Variants in PAXIP1 observed in about 807,000 individuals in gnomAD.
PAXIP1 encodes PAX-interacting protein 1.
In PAXIP1, 19 loss-of-function variants were observed where a neutral mutation model predicts 140.6. The ratio of observed to expected loss-of-function variants is 0.14; its 90% CI spans 0.09 to 0.20. PAXIP1 has a LOEUF of 0.20. Among genes scored for constraint, PAXIP1 ranks in the 10% least tolerant of loss-of-function variants. PAXIP1 has a pLI of 1.00. For synonymous variants in PAXIP1, 442 were observed against 444.6 expected (o/e 0.99, Z 0.07); for missense variants, 920 against 1,208.6 (o/e 0.76, Z 3.54).
At chr7:154,968,177 G>A (rs894268503) in intron 7 of PAXIP1, among the ~76,000 whole-genome samples, 19 of 152,136 alleles carry the variant, frequency 1.2e-4, no homozygotes, top group African/African-American at 4.3e-4. Flanking sequence ...CAGCCTAGAT[G>A]TTCTACGGGA....
At chr7:155,002,739 ACGCTCTGCGCCCGG>A in intron 1 of PAXIP1, 96 bp downstream of exon 1, 1 of 532,138 alleles carries the variant, frequency 1.9e-6, no homozygotes, top group Non-Finnish European at 2.6e-6. Flanking sequence ...GGCGGACCCG[ACGCTCTGCGCCCGG>A]CGCGCGCCCG....
At chr7:154,994,023 T>C (rs541497583) in intron 2 of PAXIP1, among the ~76,000 whole-genome samples, 2 of 152,232 alleles carry the variant, frequency 1.3e-5, no homozygotes, top group Admixed American at 1.3e-4. Flanking sequence ...AGTTCCAGGT[T>C]TACACACTTA....
At chr7:154,982,501 C>G (rs1235147479) in intron 5 of PAXIP1, among the ~76,000 whole-genome samples, 4 of 152,240 alleles carry the variant, frequency 2.6e-5, no homozygotes, top group Non-Finnish European at 4.4e-5. Context: ...CAAGCACATG[C>G]CACCATGCCT....
Position 154,991,042 on chromosome 7 carries a change from A to C in PAXIP1, c.288T>G (p.Cys96Trp), listed in dbSNP as rs1319161655. ...AGGCAGTGATTCCAAAAAAAATCTG[A>C]CATGATTCTGGAGAAAAACCATTTA... ...LPVNGFSPES[C>W]QIFFGITACL... The change falls in exon 4 of 21, where the codon TGT (cysteine) becomes TGG (tryptophan). Residue 96 changes from cysteine (C) to tryptophan (W), a missense_variant. Cys to Trp is a radical substitution (Grantham distance 215). Coordinates refer to ENST00000404141, the MANE Select transcript of PAXIP1 (RefSeq NM_007349.4). 6.5e-7 allele frequency: 1 copy of C among 1,549,054 alleles called. No homozygotes were observed. The highest frequency in any genetic ancestry group is 8.7e-7 in the Non-Finnish European group (1 of 1,144,118).
chr7:155,003,011 C>T lies in PAXIP1; in HGVS notation c.-82G>A, dbSNP rs1240283466. On this transcript the variant is annotated 5_prime_UTR_variant, in exon 1 of 21. Coordinates refer to ENST00000404141, the MANE Select transcript of PAXIP1 (RefSeq NM_007349.4). ...CCCGGCCCCCGCGGCGCCCGGCGCC[C>T]CCACTCGCCCCGCCAACGGCCCTGC... is the stretch of plus-strand genomic sequence containing the variant. 2 of 489,404 alleles carry T rather than the reference C, an allele frequency of 4.1e-6. No individual in the cohort carries two copies. The highest frequency in any genetic ancestry group is 5.3e-6 in the Non-Finnish European group (2 of 380,022). The allele number at this position is 489,404 out of a possible 1,614,324, so 30.3% of individuals were successfully genotyped here.
In PAXIP1 at chr7:154,947,887, T is replaced by C. The variant is rs1216889808; in HGVS notation, c.2922+16A>G. ...TATGCTTACTTGGACTGATTTACTT[T>C]TCCCTTAAAGTGTACCTTAAAGAGT... On this transcript the variant is annotated intron_variant, in intron 17 of 20. Coordinates refer to ENST00000404141, the MANE Select transcript of PAXIP1 (RefSeq NM_007349.4). 1 of 1,555,500 alleles carries C rather than the reference T, an allele frequency of 6.4e-7. No individual in the cohort carries two copies. The highest frequency in any genetic ancestry group is 8.9e-7 in the Non-Finnish European group (1 of 1,126,412).
At chr7:154,996,792 C>G (rs1810643029) in intron 2 of PAXIP1, among the ~76,000 whole-genome samples, 1 of 152,038 alleles carries the variant, frequency 6.6e-6, no homozygotes, top group South Asian at 2.1e-4. Context: ...GCTTACGTAT[C>G]GATTCATTTC....
At chr7:154,961,964 C>T (rs909386999) in intron 10 of PAXIP1, among the ~76,000 whole-genome samples, 3 of 152,264 alleles carry the variant, frequency 2.0e-5, no homozygotes, top group Admixed American at 6.5e-5. Context: ...TCCTCCTTCT[C>T]CTCACTGATC....
In PAXIP1 at chr7:154,965,972, G is replaced by A. The variant is rs147268512; in HGVS notation, c.1893+1844C>T. Among the ~76,000 whole-genome samples the A allele has an allele frequency of 6.6e-4, 101 of 152,172 alleles. 2 individuals carry two copies. The East Asian group carries it at 0.017, about 25-fold the overall frequency. ...TTCCGGTCCCAGGTCTAGTTCTCTC[G>A]ACACCTACTTTCTCATCTATTGGCG... is the stretch of plus-strand genomic sequence containing the variant. On this transcript the variant is annotated intron_variant, in intron 8 of 20. Transcript: ENST00000404141.
In PAXIP1 at chr7:154,962,238, A is replaced by G. The variant is rs1205132309; in HGVS notation, c.2127+83T>C. The G allele has an allele frequency of 5.5e-6, 8 of 1,466,684 alleles. No individual in the cohort carries two copies. In the East Asian group the frequency reaches 1.8e-4, roughly 33 times the overall value. 90.9% of individuals were successfully genotyped at this position (1,466,684 alleles called of 1,614,324 possible). A position where few individuals can be genotyped will look rare whatever the true frequency, so the allele number is the denominator to read the frequency against. On this transcript the variant is annotated intron_variant, in intron 10 of 20. Coordinates refer to ENST00000404141, the MANE Select transcript of PAXIP1 (RefSeq NM_007349.4). ...GCTCTGACTCAGAAGCCAACGCAGG[A>G]GCCTCAGGTAAGCACTAGCAAGTGA...
At chr7:154,944,855 T>C (rs1807860460) in intron 20 of PAXIP1, 1 of 152,176 alleles carries the variant, frequency 6.6e-6, no homozygotes, top group Non-Finnish European at 1.5e-5. Flanking sequence ...GATGGCGGTA[T>C]GGAATACAGC....
chr7:154,992,951 CAAAAT>C (rs1182004402), intron 3 of PAXIP1, among the ~76,000 whole-genome samples: 1 of 152,088 alleles, frequency 6.6e-6, no homozygotes, highest in African/African-American at 2.4e-5. Flanking sequence ...GGCATAGCTG[CAAAAT>C]AAAATAGAGC....
intron 1 of PAXIP1, 57 bp downstream of exon 1, chr7:155,002,792 G>A (rs887557051): frequency 6.9e-6 from 7 of 1,008,040 alleles, no homozygotes; most frequent in South Asian, 6.1e-5. Context: ...GGACGGGGAC[G>A]GGGACGGACG....
Position 154,946,434 on chromosome 7 carries a change from G to C in PAXIP1, c.3134-9C>G. ...CTCTGCATTGTGAACATCTGAACAG[G>C]GTGGAAACAGACACTTTAGTTAGAG... On this transcript the variant is annotated splice_polypyrimidine_tract_variant and intron_variant, in intron 19 of 20. Transcript: ENST00000404141. This position sits in a 1 kb window ranked among gnomAD's most constrained non-coding sequence, Gnocchi z 4.9. 1 of 1,612,568 alleles carries C rather than the reference G, an allele frequency of 6.2e-7. No homozygotes were observed. The highest frequency in any genetic ancestry group is 8.5e-7 in the Non-Finnish European group (1 of 1,178,628).
At chr7:154,975,169 A>C (rs1053139225) in intron 6 of PAXIP1, among the ~76,000 whole-genome samples, 4 of 151,600 alleles carry the variant, frequency 2.6e-5, no homozygotes, top group South Asian at 2.1e-4. Flanking sequence ...AAAAAAAAAA[A>C]AAAACAAAAA....
At chr7:154,959,988 G>A (rs1002468317) in intron 12 of PAXIP1, 55 bp from the exon 13 acceptor site, 18 of 1,197,548 alleles carry the variant, frequency 1.5e-5, no homozygotes, top group East Asian at 4.7e-5. Context: ...AAATAAAAAG[G>A]CCTTTTTATA....
intron 13 of PAXIP1, among the ~76,000 whole-genome samples, chr7:154,957,935 C>T (rs1020301198): frequency 6.8e-6 from 1 of 147,110 alleles, no homozygotes; most frequent in African/African-American, 2.5e-5. Flanking sequence ...CCACTGCAGT[C>T]CGCAGTCTGG....
chr7:155,002,205 TGTGATG>T (rs1810938349), intron 1 of PAXIP1: 1 of 152,242 alleles, frequency 6.6e-6, no homozygotes, highest in Admixed American at 6.5e-5. Context: ...AAATGTGTAA[TGTGATG>T]GTGTTACCAG....
At chr7:154,966,708 T>C (rs544261289) in intron 8 of PAXIP1, among the ~76,000 whole-genome samples, 2 of 152,338 alleles carry the variant, frequency 1.3e-5, no homozygotes, top group African/African-American at 2.4e-5. Context: ...CATCCGCCTC[T>C]TTCCTCAGCC....
Sources: gnomAD v4.1 joint callset for allele counts (sites outside exome capture counted in the v4.1 genomes callset) on GRCh38, gnomAD v4.1.1 for gene constraint, Gnocchi (gnomAD v3.1) non-coding constraint, MANE v1.5 for transcripts, NCBI Gene and HGNC (gene_info 2026-07-23, HGNC 2026-07-21) for gene names.